The following HLF variants were observed in gnomAD, a reference collection of about 807,000 sequenced individuals.
HLF encodes hepatic leukemia factor.
Under a neutral mutation model 22.6 loss-of-function variants are expected in HLF, and 3 were observed. The ratio of observed to expected loss-of-function variants is 0.13; its 90% CI spans 0.06 to 0.34. HLF has a LOEUF of 0.34. Ranked by LOEUF, HLF falls within the 10% of genes least tolerant of loss-of-function variation. The pLI is 1.00. For missense variants in HLF, 299 were observed against 389.2 expected (o/e 0.77, Z 1.95); for synonymous variants, 151 against 151.8 (o/e 0.99, Z 0.04).
chr17:55,278,456 T>C (rs983430751), intron 2 of HLF, among the ~76,000 whole-genome samples: 12 of 152,320 alleles, frequency 7.9e-5, no homozygotes, highest in Admixed American at 3.9e-4. Context: ...ATCACTGCTC[T>C]CTAAGTGCTT....
At position 55,320,752 on chromosome 17, in the gene HLF, C is replaced by T; in HGVS notation, c.761C>T (p.Ala254Val). 6.2e-7 allele frequency: 1 copy of T among 1,614,104 alleles called. No homozygotes were observed. Among genetic ancestry groups the T allele is most frequent in the Non-Finnish European group, 8.5e-7 (1 of 1,179,972 alleles). The change falls in exon 4 of 4, where the codon GCC (alanine) becomes GTC (valine). Residue 254 changes from alanine (A) to valine (V), a missense_variant. By Grantham distance (64) the Ala-to-Val change is moderately conservative (BLOSUM62 0). This residue lies in a region of HLF where 224 missense variants were observed against 298.1 expected (regional missense o/e 0.75). Transcript: ENST00000226067. This position sits in a 1 kb window ranked among gnomAD's most constrained non-coding sequence, Gnocchi z 4.2. ...CGGAGGCTGAAAGAGAACCAGATCG[C>T]CATCCGGGCCTCGTTCCTGGAGAAG... ...DARRLKENQIAIRASFLEKEN... is the reference protein window; with the variant it reads ...DARRLKENQIVIRASFLEKEN...
Position 55,321,141 on chromosome 17 carries a change from A to G in HLF, c.*262A>G, listed in dbSNP as rs1187640989. On this transcript the variant is annotated 3_prime_UTR_variant, in exon 4 of 4. Coordinates refer to ENST00000226067, the MANE Select transcript of HLF (RefSeq NM_002126.5). The stretch of plus-strand genomic sequence containing the variant: ...CTCTCATCGTCTTTTAGTTCCAACA[A>G]AGAAAGGTGCCATGTCTTTACTAGA... 6.9e-6 allele frequency: 3 copies of G among 435,168 alleles called. No individual in the cohort carries two copies. Among genetic ancestry groups the G allele is most frequent in the African/African-American group, 3.9e-5 (2 of 51,150 alleles). The allele number at this position is 435,168 out of a possible 1,614,324, so 27.0% of individuals were successfully genotyped here.
At chr17:55,298,001 C>T (rs751573095) in intron 2 of HLF, among the ~76,000 whole-genome samples, 15 of 151,976 alleles carry the variant, frequency 9.9e-5, no homozygotes, top group Non-Finnish European at 2.1e-4. Context: ...GTGCCTGCCT[C>T]GGCCTCCCAG....
At chr17:55,291,151 C>G (rs2081058273) in intron 2 of HLF, among the ~76,000 whole-genome samples, 1 of 152,218 alleles carries the variant, frequency 6.6e-6, no homozygotes, top group Admixed American at 6.5e-5. Context: ...ATGATGTAGA[C>G]ACTGCAGCAA....
intron 1 of HLF, 90 bp from the exon 2 acceptor site, chr17:55,267,661 C>A: frequency 1.1e-6 from 1 of 905,920 alleles, no homozygotes; most frequent in Non-Finnish European, 1.7e-6. Context: ...GAGAAATAGT[C>A]TTATAACAGG....
intron 2 of HLF, among the ~76,000 whole-genome samples, chr17:55,304,630 C>T (rs1213915967): frequency 6.6e-6 from 1 of 152,200 alleles, no homozygotes; most frequent in African/African-American, 2.4e-5. Flanking sequence ...TGCATGATCC[C>T]AGGGCGATGT....
chr17:55,274,789 A>G (rs557699526), intron 2 of HLF, among the ~76,000 whole-genome samples: 2 of 152,246 alleles, frequency 1.3e-5, no homozygotes, highest in Non-Finnish European at 2.9e-5. Context: ...TAATTGTCAC[A>G]GTGCCTCGCA....
At chr17:55,319,939 T>A (rs1189666291) in intron 3 of HLF, among the ~76,000 whole-genome samples, 3 of 152,192 alleles carry the variant, frequency 2.0e-5, no homozygotes, top group African/African-American at 7.2e-5. Flanking sequence ...CCATACATAT[T>A]TGTGTGTAAA....
chr17:55,267,729 C>A (rs1438116779), intron 1 of HLF, 22 bp from the exon 2 acceptor site: 5 of 1,476,226 alleles, frequency 3.4e-6, no homozygotes. Context: ...TTTTTTAAGT[C>A]CAGCTTTCCC....
In HLF at chr17:55,295,511, C is replaced by T. The variant is rs553634544; in HGVS notation, c.452-19716C>T. ...ACTTTGCCGCCTGGCAAGGGACCTG[C>T]GGCTCTGCACTGCCAGGGCAACAGA... On this transcript the variant is annotated intron_variant, in intron 2 of 3. Transcript: ENST00000226067. Among the ~76,000 whole-genome samples the T allele has an allele frequency of 4.8e-4, 73 of 152,362 alleles. 3 individuals are homozygous for T. The South Asian group carries it at 0.013, about 28-fold the overall frequency.
At chr17:55,307,583 A>C (rs1904639406) in intron 2 of HLF, among the ~76,000 whole-genome samples, 1 of 152,122 alleles carries the variant, frequency 6.6e-6, no homozygotes, top group African/African-American at 2.4e-5. Flanking sequence ...ACAATTTGCA[A>C]AATATTGAAA....
intron 2 of HLF, among the ~76,000 whole-genome samples, chr17:55,289,196 A>G (rs1476385655): frequency 6.6e-6 from 1 of 152,206 alleles, no homozygotes; most frequent in Admixed American, 6.5e-5. Context: ...GATAAGGGGC[A>G]CTAAAACAGA....
intron 2 of HLF, among the ~76,000 whole-genome samples, chr17:55,280,214 C>T (rs12951623): frequency 0.04 from 6,080 of 152,286 alleles, 165 homozygotes; most frequent in Middle Eastern, 0.078. Context: ...TGTGTTACAG[C>T]AATGCTATAG....
At chr17:55,300,769 T>C (rs999990463) in intron 2 of HLF, among the ~76,000 whole-genome samples, 1 of 152,212 alleles carries the variant, frequency 6.6e-6, no homozygotes, top group African/African-American at 2.4e-5. Context: ...CTGGTTCCCC[T>C]GTAAGCCAAG....
At chr17:55,265,997 G>A in intron 1 of HLF, 1 of 271,632 alleles carries the variant, frequency 3.7e-6, no homozygotes, top group Non-Finnish European at 5.8e-6. Context: ...GGTTCTGTGC[G>A]GGGCAGGGGG....
intron 2 of HLF, among the ~76,000 whole-genome samples, chr17:55,311,431 G>T (rs1904823539): frequency 6.6e-6 from 1 of 152,132 alleles, no homozygotes; most frequent in Admixed American, 6.5e-5. Context: ...TTGAATCCAG[G>T]GGGTGGAGGT....
At chr17:55,288,466 T>G (rs1042988042) in intron 2 of HLF, among the ~76,000 whole-genome samples, 2 of 152,058 alleles carry the variant, frequency 1.3e-5, no homozygotes, top group Non-Finnish European at 2.9e-5. Flanking sequence ...TGTTTTCTGA[T>G]TGGTAAACAT....
At chr17:55,292,192 T>A (rs1449902484) in intron 2 of HLF, among the ~76,000 whole-genome samples, 1 of 152,232 alleles carries the variant, frequency 6.6e-6, no homozygotes, top group Non-Finnish European at 1.5e-5. Flanking sequence ...TCGACTCCAA[T>A]TTTGAAAGAG....
chr17:55,278,111 T>C (rs184041375), intron 2 of HLF, among the ~76,000 whole-genome samples: 1 of 152,338 alleles, frequency 6.6e-6, no homozygotes, highest in East Asian at 1.9e-4. Context: ...TTTGGAAGAA[T>C]GCTTTGGAAT....
Sources: allele counts gnomAD v4.1 joint callset (sites outside exome capture counted in the v4.1 genomes callset), GRCh38; gene constraint gnomAD v4.1.1; regional missense constraint gnomAD v4.1.1; non-coding constraint Gnocchi (gnomAD v3.1); transcripts MANE v1.5; gene names NCBI Gene and HGNC (gene_info 2026-07-23, HGNC 2026-07-21).